VSNL1: variants seen among roughly 807,000 people sequenced by gnomAD.
VSNL1 encodes the protein visinin like 1.
A neutral mutation model predicts 20.4 loss-of-function variants in VSNL1; 6 were observed. The observed-to-expected ratio is 0.29, with a 90% CI of 0.16 to 0.58. The LOEUF is 0.58. Ranked by LOEUF, VSNL1 falls within the 20% of genes least tolerant of loss-of-function variation. VSNL1 has a pLI of 0.90. For missense variants in VSNL1, 100 were observed against 234.5 expected, an observed-to-expected ratio of 0.43 and a Z score of 3.75; for synonymous variants, 93 against 86.4, an observed-to-expected ratio of 1.08 and a Z score of -0.42.
At chr2:17,597,624 C>A (rs1664738973) in intron 2 of VSNL1, among the ~76,000 whole-genome samples, 1 of 152,168 alleles carries the variant, frequency 6.6e-6, no homozygotes, top group Non-Finnish European at 1.5e-5. Flanking sequence ...CCTACCAAGT[C>A]ATTCCCTGTC....
At chr2:17,640,340 T>C (rs1423970241) in intron 2 of VSNL1, among the ~76,000 whole-genome samples, 3 of 151,968 alleles carry the variant, frequency 2.0e-5, no homozygotes, top group African/African-American at 7.3e-5. Context: ...GTCCCACATG[T>C]AGTGAACTGC....
At chr2:17,645,872 A>G (rs1665980601) in intron 2 of VSNL1, among the ~76,000 whole-genome samples, 1 of 152,188 alleles carries the variant, frequency 6.6e-6, no homozygotes. Context: ...GTGTAATCCC[A>G]AGAAGTCTCA....
At chr2:17,583,881 A>G (rs939213237) in intron 1 of VSNL1, among the ~76,000 whole-genome samples, 2 of 152,172 alleles carry the variant, frequency 1.3e-5, no homozygotes, top group African/African-American at 4.8e-5. Flanking sequence ...CTAGGCCTGA[A>G]TCTTGAACAG....
At chr2:17,631,331 G>A (rs1261237513) in intron 2 of VSNL1, among the ~76,000 whole-genome samples, 3 of 150,698 alleles carry the variant, frequency 2.0e-5, no homozygotes, top group African/African-American at 7.3e-5. Context: ...CTAAACTTTT[G>A]CACAGGAAAA....
rs1284854110 is a variant in VSNL1 at position 17,652,084 on chromosome 2, G to A, written c.378+2459G>A. Reference sequence around the variant, plus strand: ...TTACTGATTTTCTCATACATTTAGTGAGGTTTCTCTACTCTGGCTGGTGGG... The same window carrying A: ...TTACTGATTTTCTCATACATTTAGTAAGGTTTCTCTACTCTGGCTGGTGGG... On this transcript the variant is annotated intron_variant, in intron 3 of 3. Coordinates refer to ENST00000295156, the MANE Select transcript of VSNL1 (RefSeq NM_003385.5). 2.0e-5 allele frequency among the ~76,000 whole-genome samples: 3 copies of A among 152,326 alleles called. No homozygotes were observed. The East Asian group carries it at 5.8e-4, about 29-fold the overall frequency.
intron 1 of VSNL1, among the ~76,000 whole-genome samples, chr2:17,580,626 G>A (rs1664330288): frequency 6.6e-6 from 1 of 152,172 alleles, no homozygotes; most frequent in South Asian, 2.1e-4. Context: ...CAAGTTCTAT[G>A]AAAGTTTCTG....
intron 2 of VSNL1, among the ~76,000 whole-genome samples, chr2:17,610,803 T>TTCCCTCCAGG (rs1665066069): frequency 6.6e-6 from 1 of 152,192 alleles, no homozygotes; most frequent in South Asian, 2.1e-4. Flanking sequence ...AACCTTCCTC[T>TTCCCTCCAGG]GAACTCTAGC....
chr2:17,540,336 C>T (rs909876678), upstream of VSNL1, among the ~76,000 whole-genome samples: 5 of 152,274 alleles, frequency 3.3e-5, no homozygotes, highest in African/African-American at 7.2e-5. Flanking sequence ...CTGGCCTCGG[C>T]CTTCAGCCCC....
At chr2:17,612,221 C>A (rs912712691) in intron 2 of VSNL1, among the ~76,000 whole-genome samples, 3 of 152,138 alleles carry the variant, frequency 2.0e-5, no homozygotes, top group Non-Finnish European at 4.4e-5. Flanking sequence ...GAGGCTGAAG[C>A]CTCTCAACCC....
intron 1 of VSNL1, among the ~76,000 whole-genome samples, chr2:17,552,571 C>G (rs1001630511): frequency 8.5e-5 from 13 of 152,170 alleles, no homozygotes; most frequent in Non-Finnish European, 4.4e-5. Flanking sequence ...TCACTGCCGT[C>G]CCCATCCTTC....
intron 3 of VSNL1, among the ~76,000 whole-genome samples, chr2:17,652,865 T>A (rs750038318): frequency 1.3e-5 from 2 of 152,108 alleles, no homozygotes; most frequent in Non-Finnish European, 2.9e-5. Flanking sequence ...ACCTTCCTCC[T>A]CCAATTGTTG....
chr2:17,614,254 G>A (rs1665161403), intron 2 of VSNL1, among the ~76,000 whole-genome samples: 1 of 152,224 alleles, frequency 6.6e-6, no homozygotes, highest in Non-Finnish European at 1.5e-5. Context: ...CTTAGGAGGG[G>A]GCACTGAAGG....
At chr2:17,588,031 A>G (rs1447824262) in intron 1 of VSNL1, among the ~76,000 whole-genome samples, 1 of 152,146 alleles carries the variant, frequency 6.6e-6, no homozygotes, top group Non-Finnish European at 1.5e-5. Context: ...CCCTTCCACC[A>G]GTCCTGTTTT....
chr2:17,574,332 A>G (rs62131539), intron 1 of VSNL1, among the ~76,000 whole-genome samples: 5,022 of 152,250 alleles, frequency 0.033, 89 homozygotes, highest in East Asian at 0.097. Flanking sequence ...CTATCATCAC[A>G]TGAAACACTC....
intron 1 of VSNL1, among the ~76,000 whole-genome samples, chr2:17,566,294 T>C (rs1663940334): frequency 6.6e-6 from 1 of 152,220 alleles, no homozygotes; most frequent in Admixed American, 6.5e-5. Flanking sequence ...ATGCTCTATA[T>C]GCATCTTCTG....
intron 1 of VSNL1, among the ~76,000 whole-genome samples, chr2:17,557,674 T>C (rs1308188801): frequency 6.6e-6 from 1 of 152,180 alleles, no homozygotes; most frequent in Admixed American, 6.5e-5. Context: ...CATTTCTTTT[T>C]GAAAAGAGGA....
intron 2 of VSNL1, among the ~76,000 whole-genome samples, chr2:17,642,754 A>G (rs768796252): frequency 6.6e-6 from 1 of 152,254 alleles, no homozygotes; most frequent in Admixed American, 6.5e-5. Flanking sequence ...GATCTGGCCT[A>G]AGACATAAGT....
intron 2 of VSNL1, among the ~76,000 whole-genome samples, chr2:17,631,785 TAG>T (rs1665635769): frequency 6.6e-6 from 1 of 152,264 alleles, no homozygotes; most frequent in Admixed American, 6.5e-5. Flanking sequence ...TGAATAAATC[TAG>T]AGTTATAAAT....
At chr2:17,599,201 G>T (rs1265161387) in intron 2 of VSNL1, among the ~76,000 whole-genome samples, 2 of 152,194 alleles carry the variant, frequency 1.3e-5, no homozygotes, top group Admixed American at 6.5e-5. Context: ...ATCACACTGG[G>T]TTGATTGTGA....
Sources: allele counts gnomAD v4.1 joint callset (sites outside exome capture counted in the v4.1 genomes callset), GRCh38; gene constraint gnomAD v4.1.1; transcripts MANE v1.5; gene names NCBI Gene and HGNC (gene_info 2026-07-23, HGNC 2026-07-21).